The following ATCAY variants were observed in gnomAD, a reference collection of about 807,000 sequenced individuals.
ATCAY encodes the protein caytaxin.
Under a neutral mutation model 47.7 loss-of-function variants are expected in ATCAY, and 22 were observed. The observed-to-expected ratio is 0.46, with a 90% confidence interval of 0.33 to 0.66. The LOEUF (loss-of-function observed/expected upper bound fraction) is 0.66, where lower values mean the gene tolerates loss of function less well. Ranked by LOEUF, ATCAY falls within the 30% of genes least tolerant of loss-of-function variation. The pLI, the probability that ATCAY is intolerant of heterozygous loss-of-function variation, is 0.02. For missense variants in ATCAY, 452 were observed against 515.0 expected (o/e 0.88, Z 1.18); for synonymous variants, 216 against 207.6 (o/e 1.04, Z -0.35).
At chr19:3,917,082 T>C (rs1042446260) in intron 9 of ATCAY, among the ~76,000 whole-genome samples, 14 of 151,926 alleles carry the variant, frequency 9.2e-5, no homozygotes, top group Non-Finnish European at 1.6e-4. Context: ...TCTGGGATTA[T>C]AGGCGTGAGC....
intron 2 of ATCAY, among the ~76,000 whole-genome samples, chr19:3,899,611 G>A (rs967845340): frequency 9.2e-5 from 14 of 152,006 alleles, no homozygotes; most frequent in Non-Finnish European, 1.6e-4. Context: ...CACCACGCCC[G>A]GCCAATAAAT....
intron 11 of ATCAY, 99 bp from the exon 12 acceptor site, chr19:3,920,667 A>G: frequency 9.4e-7 from 1 of 1,063,354 alleles, no homozygotes. Context: ...TAATAATAAT[A>G]AATAAATAAA....
At chr19:3,918,781 G>C (rs369093860) in intron 10 of ATCAY, 25 bp from the exon 11 acceptor site, 4 of 1,613,728 alleles carry the variant, frequency 2.5e-6, no homozygotes, top group Non-Finnish European at 3.4e-6. Context: ...AGTCACCCTT[G>C]TCACCTCGTT....
intron 2 of ATCAY, among the ~76,000 whole-genome samples, chr19:3,897,273 A>ATATG (rs1298228177): frequency 6.7e-6 from 1 of 148,806 alleles, no homozygotes; most frequent in Non-Finnish European, 1.5e-5. Context: ...CTATATATAT[A>ATATG]TATATATATA....
chr19:3,906,554 C>T (rs537950296), intron 4 of ATCAY, among the ~76,000 whole-genome samples: 69 of 152,046 alleles, frequency 4.5e-4, no homozygotes, highest in South Asian at 2.1e-4. Flanking sequence ...ACACCCACCT[C>T]GGCCTCCCAA....
chr19:3,913,952 A>AGGGGCC (rs898225334), intron 9 of ATCAY, 96 bp downstream of exon 9: 1 of 1,146,190 alleles, frequency 8.7e-7, no homozygotes, highest in Admixed American at 2.0e-5. Flanking sequence ...AAGAGGTTTA[A>AGGGGCC]GGGGCCGGGC....
At chr19:3,905,682 T>A in intron 4 of ATCAY, 27 bp downstream of exon 4, 1 of 1,589,742 alleles carries the variant, frequency 6.3e-7, no homozygotes, top group South Asian at 1.1e-5. Context: ...CTCTGGGGCC[T>A]GCTGGAGCCC....
At chr19:3,916,091 C>T (rs2145260067) in intron 9 of ATCAY, among the ~76,000 whole-genome samples, 2 of 152,300 alleles carry the variant, frequency 1.3e-5, no homozygotes, top group East Asian at 3.9e-4. Context: ...ATCCTACTTT[C>T]TGTCTCTGGG....
At chr19:3,918,199 A>G (rs1412043338) in intron 10 of ATCAY, among the ~76,000 whole-genome samples, 1 of 151,990 alleles carries the variant, frequency 6.6e-6, no homozygotes, top group African/African-American at 2.4e-5. Context: ...AACCTGGACA[A>G]CATGGCGTAA....
intron 2 of ATCAY, among the ~76,000 whole-genome samples, chr19:3,897,199 T>A (rs1411265955): frequency 1.3e-5 from 2 of 152,030 alleles, no homozygotes; most frequent in African/African-American, 4.8e-5. Flanking sequence ...TTTGCAGCGC[T>A]GGTTTGGGTT....
At chr19:3,921,519 G>A (rs566697092) in intron 12 of ATCAY, among the ~76,000 whole-genome samples, 5 of 152,292 alleles carry the variant, frequency 3.3e-5, no homozygotes, top group African/African-American at 9.6e-5. Context: ...TTGCCAGAAG[G>A]ACTCACAGAG....
intron 1 of ATCAY, among the ~76,000 whole-genome samples, chr19:3,884,556 G>A (rs1221688596): frequency 3.9e-5 from 6 of 152,154 alleles, no homozygotes; most frequent in African/African-American, 1.4e-4. Flanking sequence ...TAGTATGAAT[G>A]ACTGTTTGGA....
Position 3,924,916 on chromosome 19 carries a change from C to T in ATCAY, c.*324C>T. 2.8e-6 allele frequency: 1 copy of T among 351,726 alleles called. No individual in the cohort carries two copies. Among genetic ancestry groups the T allele is most frequent in the Non-Finnish European group, 5.3e-6 (1 of 189,270 alleles). 21.8% of individuals were successfully genotyped at this position (351,726 alleles called of 1,614,324 possible). A position where few individuals can be genotyped will look rare whatever the true frequency, so the allele number is the denominator to read the frequency against. On this transcript the variant is annotated 3_prime_UTR_variant, in exon 13 of 13. Transcript: ENST00000450849. The stretch of plus-strand genomic sequence containing the variant: ...GCCCGCGTGGCGTCGGTGGCCTCCG[C>T]TCCTGCTCGCAGCCTCTGTGGTCAG...
At chr19:3,909,423 C>T (rs1278135457) in intron 6 of ATCAY, 63 bp from the exon 7 acceptor site, 45 of 1,551,304 alleles carry the variant, frequency 2.9e-5, no homozygotes, top group Admixed American at 5.3e-5. Context: ...GGGTCGGCAC[C>T]GCAGGTGTCC....
intron 3 of ATCAY, among the ~76,000 whole-genome samples, chr19:3,905,226 C>T (rs1161468660): frequency 6.6e-6 from 1 of 152,086 alleles, no homozygotes; most frequent in Non-Finnish European, 1.5e-5. Flanking sequence ...CTGAGGCTTG[C>T]CCACAGGACA....
intron 2 of ATCAY, among the ~76,000 whole-genome samples, chr19:3,887,992 G>A (rs1213298926): frequency 2.0e-5 from 3 of 151,758 alleles, no homozygotes; most frequent in East Asian, 2.0e-4. Flanking sequence ...GTGCACGCCT[G>A]TAATCCCCAG....
chr19:3,924,384 C>A (rs942918373), intron 12 of ATCAY, among the ~76,000 whole-genome samples, 199 bp from the exon 13 acceptor site: 13 of 152,090 alleles, frequency 8.5e-5, no homozygotes, highest in Admixed American at 3.3e-4. Flanking sequence ...TCTGCTGAGG[C>A]ACCAGGAAGG....
intron 5 of ATCAY, 125 bp from the exon 6 acceptor site, chr19:3,908,143 G>A: frequency 9.6e-7 from 1 of 1,040,276 alleles, no homozygotes; most frequent in South Asian, 1.5e-5. Flanking sequence ...GGGGTCGCCG[G>A]CTGCTGTGGC....
In ATCAY at chr19:3,885,861, C is replaced by T. The variant is rs768315218; in HGVS notation, c.77+17C>T. Reference sequence around the variant, plus strand: ...TCTTCCCAGGTAGGACTTCCACATCCCTGAGTCAACCGTTGGGGGAGCAGG... The same window carrying T: ...TCTTCCCAGGTAGGACTTCCACATCTCTGAGTCAACCGTTGGGGGAGCAGG... On this transcript the variant is annotated intron_variant, in intron 2 of 12. Transcript: ENST00000450849. 1.5e-5 allele frequency: 24 copies of T among 1,550,614 alleles called. No individual in the cohort carries two copies. The South Asian group carries it at 2.7e-4, about 18-fold the overall frequency.
Sources: gnomAD v4.1 joint callset for allele counts (sites outside exome capture counted in the v4.1 genomes callset) on GRCh38, gnomAD v4.1.1 for gene constraint, MANE v1.5 for transcripts, NCBI Gene and HGNC (gene_info 2026-07-23, HGNC 2026-07-21) for gene names.